Variants in VWA3B observed in about 807,000 individuals in gnomAD.
VWA3B encodes the protein von Willebrand factor A domain containing 3B.
Under a neutral mutation model 158.3 loss-of-function variants are expected in VWA3B, and 138 were observed. That is an observed-to-expected ratio of 0.87 (90% CI 0.76 to 1.00). The LOEUF (loss-of-function observed/expected upper bound fraction) is 1.00. Ranked by LOEUF, VWA3B falls within the 50% of genes least tolerant of loss-of-function variation. VWA3B has a pLI of 0.00. For synonymous variants in VWA3B, 596 were observed against 587.3 expected, an observed-to-expected ratio of 1.01 and a Z score of -0.21; for missense variants, 1,555 against 1,565.1, an observed-to-expected ratio of 0.99 and a Z score of 0.11.
intron 26 of VWA3B, among the ~76,000 whole-genome samples, chr2:98,307,685 CTT>C (rs1690612186): frequency 6.6e-6 from 1 of 152,188 alleles, no homozygotes; most frequent in Non-Finnish European, 1.5e-5. Context: ...GGAGGAAAGT[CTT>C]TGAAGAGGAA....
intron 22 of VWA3B, among the ~76,000 whole-genome samples, chr2:98,285,935 A>T (rs1477931383): frequency 6.6e-6 from 1 of 152,120 alleles, no homozygotes; most frequent in East Asian, 1.9e-4. Flanking sequence ...TCTACTTATT[A>T]GATCTTTGAT....
chr2:98,144,247 A>G (rs1339120216), intron 7 of VWA3B, among the ~76,000 whole-genome samples: 1 of 152,192 alleles, frequency 6.6e-6, no homozygotes, highest in African/African-American at 2.4e-5. Flanking sequence ...ACAGTTAACC[A>G]ATCAATAAAT....
chr2:98,092,838 A>G (rs1349728748), intron 1 of VWA3B, among the ~76,000 whole-genome samples: 11 of 126,016 alleles, frequency 8.7e-5, no homozygotes, highest in African/African-American at 2.3e-4. Flanking sequence ...ATATATATAT[A>G]TATATATATA....
At chr2:98,230,242 G>A (rs749386918) in intron 16 of VWA3B, 35 bp downstream of exon 16, 7 of 1,493,318 alleles carry the variant, frequency 4.7e-6, no homozygotes, top group South Asian at 2.9e-5. Context: ...CTCTTTGCTG[G>A]TTTCTCTTCA....
chr2:98,230,493 G>A (rs1685261863), intron 16 of VWA3B, among the ~76,000 whole-genome samples: 1 of 152,076 alleles, frequency 6.6e-6, no homozygotes, highest in African/African-American at 2.4e-5. Context: ...AGTTTTACTT[G>A]TACCCGTGTG....
chr2:98,106,653 A>G (rs1423945268), intron 2 of VWA3B, among the ~76,000 whole-genome samples: 1 of 152,128 alleles, frequency 6.6e-6, no homozygotes, highest in East Asian at 1.9e-4. Context: ...TAGCAGTTGT[A>G]GATGGAATTG....
chr2:98,088,308 T>C (rs1248256277), intron 1 of VWA3B, among the ~76,000 whole-genome samples: 1 of 152,166 alleles, frequency 6.6e-6, no homozygotes, highest in African/African-American at 2.4e-5. Context: ...CTAAACTGGA[T>C]TAATGGACTC....
chr2:98,147,788 T>G (rs1677285411), intron 7 of VWA3B, among the ~76,000 whole-genome samples: 1 of 152,108 alleles, frequency 6.6e-6, no homozygotes, highest in South Asian at 2.1e-4. Context: ...GCCATGTTGG[T>G]GTGCTGCACC....
chr2:98,163,000 G>T (rs753226971), intron 8 of VWA3B, 24 bp downstream of exon 8: 5 of 1,612,478 alleles, frequency 3.1e-6, no homozygotes, highest in Admixed American at 1.7e-5. Context: ...CTGGTCACTG[G>T]TGTAAAAGAT....
chr2:98,298,461 GCCATGCCATC>G (rs1280305110), intron 24 of VWA3B, among the ~76,000 whole-genome samples: 2 of 149,350 alleles, frequency 1.3e-5, no homozygotes, highest in African/African-American at 5.0e-5. Flanking sequence ...GCCATGCCAT[GCCATGCCATC>G]CCACCCCATC....
chr2:98,205,900 T>C (rs1558672312), intron 12 of VWA3B, among the ~76,000 whole-genome samples: 1 of 152,246 alleles, frequency 6.6e-6, no homozygotes, highest in Non-Finnish European at 1.5e-5. Flanking sequence ...CTCTGTATGA[T>C]TTCAAATCTT....
Position 98,093,081 on chromosome 2 carries a change from C to A in VWA3B, c.-12C>A. The A allele has an allele frequency of 6.2e-7, 1 of 1,611,554 alleles. No homozygotes were observed. The highest frequency in any genetic ancestry group is 8.5e-7 in the Non-Finnish European group (1 of 1,178,236). On this transcript the variant is annotated 5_prime_UTR_variant, in exon 2 of 28. Transcript: ENST00000477737. Reference sequence around the variant, plus strand: ...TACAGGAGTTTGCTGTGACTTAGATCTTGATTCAGAGATGGAGAAATCAGG... The same window carrying A: ...TACAGGAGTTTGCTGTGACTTAGATATTGATTCAGAGATGGAGAAATCAGG...
intron 20 of VWA3B, among the ~76,000 whole-genome samples, chr2:98,253,340 G>A (rs1050370197): frequency 6.6e-6 from 1 of 152,124 alleles, no homozygotes; most frequent in Non-Finnish European, 1.5e-5. Context: ...CCAGGCAAAT[G>A]GAAAGCTCAC....
intron 7 of VWA3B, among the ~76,000 whole-genome samples, chr2:98,143,529 G>A (rs1433645666): frequency 6.6e-6 from 1 of 151,970 alleles, no homozygotes; most frequent in East Asian, 1.9e-4. Context: ...CTGTAAAATG[G>A]GAATAATATG....
At position 98,208,503 on chromosome 2, in the gene VWA3B, C is replaced by G. The variant is rs62154940; in HGVS notation, c.1738-3427C>G. Among the ~76,000 whole-genome samples the G allele has an allele frequency of 2.6e-5, 4 of 151,950 alleles. No individual in the cohort carries two copies. The East Asian group carries it at 7.7e-4, about 29-fold the overall frequency. Reference sequence around the variant, plus strand: ...TTGGTGTTTCATTTTGATTTATTTACACTGTTTTTGAGTGTATTGCTTTGT... The same window carrying G: ...TTGGTGTTTCATTTTGATTTATTTAGACTGTTTTTGAGTGTATTGCTTTGT... On this transcript the variant is annotated intron_variant, in intron 12 of 27. Transcript: ENST00000477737.
At chr2:98,319,434 C>T in the VWA3B span, among the ~76,000 whole-genome samples, 1 of 152,178 alleles carries the variant, frequency 6.6e-6, no homozygotes, top group East Asian at 1.9e-4. Flanking sequence ...CTGTAAAATA[C>T]AAAGAACTCT....
intron 21 of VWA3B, 25 bp downstream of exon 21, chr2:98,256,199 C>CAAT: frequency 7.1e-7 from 1 of 1,412,692 alleles, no homozygotes; most frequent in Non-Finnish European, 9.7e-7. Context: ...TCCCTCCTCA[C>CAAT]TTTTTTTTTT....
intron 13 of VWA3B, among the ~76,000 whole-genome samples, chr2:98,215,369 A>T (rs1302903355): frequency 6.7e-6 from 1 of 148,656 alleles, no homozygotes; most frequent in Admixed American, 6.8e-5. Flanking sequence ...TGAACCCGGG[A>T]GTTGAAGCTT....
In VWA3B at chr2:98,181,223, T is replaced by C. The variant is rs1558644299; in HGVS notation, c.1311+11T>C. 1 of 1,612,206 alleles carries C rather than the reference T, an allele frequency of 6.2e-7. No individual in the cohort carries two copies. Among genetic ancestry groups the C allele is most frequent in the Non-Finnish European group, 8.5e-7 (1 of 1,178,816 alleles). On this transcript the variant is annotated intron_variant, in intron 9 of 27. Transcript: ENST00000477737. ...GTGCAGACCAGTGCGGTAGGTGAAG[T>C]GCACTCCTGGGAGGGGCTGGGGCCT...
Sources: gnomAD v4.1 joint callset for allele counts (sites outside exome capture counted in the v4.1 genomes callset) on GRCh38, gnomAD v4.1.1 for gene constraint, MANE v1.5 for transcripts, NCBI Gene and HGNC (gene_info 2026-07-23, HGNC 2026-07-21) for gene names.